Variants in PARP14 observed in about 807,000 individuals in gnomAD.
The protein encoded by PARP14 is poly(ADP-ribose) polymerase family member 14, also known as protein mono-ADP-ribosyltransferase PARP14.
PARP14 carries 59 observed loss-of-function variants against 154.2 expected under a neutral mutation model. That is an observed-to-expected ratio of 0.38 (90% CI 0.31 to 0.48). PARP14 has a LOEUF of 0.48. Among genes scored for constraint, PARP14 ranks in the 20% least tolerant of loss-of-function variants. The pLI is 0.98. For missense variants in PARP14, 1,734 were observed against 2,131.6 expected, an observed-to-expected ratio of 0.81 and a Z score of 3.67; for synonymous variants, 720 against 780.5, an observed-to-expected ratio of 0.92 and a Z score of 1.29.
At chr3:122,709,975 A>G (rs1188598786) in intron 9 of PARP14, among the ~76,000 whole-genome samples, 1 of 150,870 alleles carries the variant, frequency 6.6e-6, no homozygotes, top group African/African-American at 2.4e-5. Context: ...CCTTTGTCGG[A>G]TGCATAGTCT....
intron 16 of PARP14, 134 bp from the exon 17 acceptor site, chr3:122,728,174 G>C (rs1933337567): frequency 1.1e-6 from 1 of 950,894 alleles, no homozygotes; most frequent in Non-Finnish European, 1.6e-6. Context: ...TAGAAAAATT[G>C]ATGATTAAAA....
chr3:122,690,457 C>G (rs1241697144), intron 3 of PARP14, among the ~76,000 whole-genome samples: 1 of 152,118 alleles, frequency 6.6e-6, no homozygotes, highest in African/African-American at 2.4e-5. Flanking sequence ...ACAGAGTGGT[C>G]TAACTGTTGT....
intron 12 of PARP14, 71 bp downstream of exon 12, chr3:122,714,500 G>A: frequency 7.9e-7 from 1 of 1,267,702 alleles, no homozygotes; most frequent in Non-Finnish European, 1.1e-6. Flanking sequence ...AGCTGAGTGT[G>A]AATGCGGTCA....
intron 8 of PARP14, among the ~76,000 whole-genome samples, chr3:122,706,740 T>G (rs1285242634): frequency 1.3e-5 from 2 of 150,928 alleles, no homozygotes; most frequent in African/African-American, 4.9e-5. Flanking sequence ...ATGTTACTTG[T>G]TTTTTTTCCA....
chr3:122,728,542 T>C lies in PARP14; in HGVS notation c.5351T>C (p.Val1784Ala). 1.2e-6 allele frequency: 2 copies of C among 1,613,926 alleles called. No homozygotes were observed. Among genetic ancestry groups the C allele is most frequent in the Non-Finnish European group, 1.7e-6 (2 of 1,179,806 alleles). The change falls in exon 17 of 17, where the codon GTG (valine) becomes GCG (alanine). Residue 1784 changes from valine to alanine, a missense_variant. Around this residue, in one of 2 missense-constraint regions of PARP14, gnomAD observed 88 missense variants for 155.6 expected, o/e 0.57. Coordinates refer to ENST00000474629, the MANE Select transcript of PARP14 (RefSeq NM_017554.3). ...TDNVHHPSLF[V>A]AFYDYQAYPE... ...AATGTGCACCATCCAAGTTTATTTG[T>C]GGCATTTTATGACTACCAAGCATAC...
chr3:122,714,146 C>T (rs987399487), intron 11 of PARP14, 116 bp from the exon 12 acceptor site: 1 of 884,446 alleles, frequency 1.1e-6, no homozygotes, highest in Non-Finnish European at 1.7e-6. Context: ...GATAGTATTT[C>T]AGGAGTTTTT....
chr3:122,712,684 G>C (rs1300935915), intron 9 of PARP14, among the ~76,000 whole-genome samples: 1 of 152,038 alleles, frequency 6.6e-6, no homozygotes, highest in East Asian at 1.9e-4. Context: ...CTCCCAAGTA[G>C]CTGGGACTAC....
Position 122,714,418 on chromosome 3 carries a change from C to A in PARP14, c.3989C>A (p.Ala1330Asp). The A allele has an allele frequency of 6.3e-7, 1 of 1,576,106 alleles. No individual in the cohort carries two copies. The highest frequency in any genetic ancestry group is 1.2e-5 in the South Asian group (1 of 84,582). ...AATTACTCATCCATTTGCCTCCCAG[C>A]CATTGGGACAGGTTCGTAGCCTCTG... ...KKNYSSICLPAIGTGNAKQHP... is the reference protein window; with the variant it reads ...KKNYSSICLPDIGTGNAKQHP... Residue 1330 changes from alanine (A) to aspartate (D), a missense_variant, in exon 12 of 17, where the codon GCC becomes GAC. Transcript: ENST00000474629.
chr3:122,690,393 T>C (rs1938500731), intron 3 of PARP14, among the ~76,000 whole-genome samples: 1 of 149,772 alleles, frequency 6.7e-6, no homozygotes, highest in Non-Finnish European at 1.5e-5. Context: ...GCTTAAGCTA[T>C]TTTTTTTTTA....
At chr3:122,710,960 A>G (rs891253724) in intron 9 of PARP14, among the ~76,000 whole-genome samples, 12 of 152,120 alleles carry the variant, frequency 7.9e-5, no homozygotes, top group African/African-American at 2.9e-4. Context: ...CTTTACTGAA[A>G]TTGTTTATCA....
In PARP14 at chr3:122,681,051, GTTC is replaced by G. The variant is rs759585901; in HGVS notation, c.173_175del (p.Phe58del). On this transcript the variant is annotated inframe_deletion, in exon 1 of 17. Transcript: ENST00000474629. This position sits in a 1 kb window ranked among gnomAD's most constrained non-coding sequence, Gnocchi z 5.5. ...CCAGGAGCCCATCCCGCTTCCTGGTGTTCTTCTACCCGGAGGACGGTGAGGGGC... is the reference window on the plus strand; with the variant it reads ...CCAGGAGCCCATCCCGCTTCCTGGTGTTCTACCCGGAGGACGGTGAGGGGC... 6.3e-5 allele frequency: 102 copies of G among 1,612,242 alleles called. No individual in the cohort carries two copies. Among genetic ancestry groups the G allele is most frequent in the South Asian group, 9.9e-5 (9 of 91,056 alleles).
intron 15 of PARP14, among the ~76,000 whole-genome samples, chr3:122,725,564 AATT>A (rs1281796600): frequency 6.6e-6 from 1 of 152,136 alleles, no homozygotes; most frequent in Non-Finnish European, 1.5e-5. Flanking sequence ...ATCATACCAA[AATT>A]ATTATTAGCA....
chr3:122,708,379 C>A (rs985413831), intron 9 of PARP14, 111 bp downstream of exon 9: 2 of 637,980 alleles, frequency 3.1e-6, no homozygotes, highest in South Asian at 1.9e-5. Context: ...CAATGAGTGA[C>A]AAATGATACT....
intron 5 of PARP14, among the ~76,000 whole-genome samples, chr3:122,695,960 A>T (rs948831065): frequency 6.6e-6 from 1 of 152,216 alleles, no homozygotes; most frequent in African/African-American, 2.4e-5. Context: ...AAAGGAGATG[A>T]TCTGTGTTTT....
chr3:122,725,801 G>T (rs1933274847), intron 15 of PARP14, among the ~76,000 whole-genome samples: 2 of 152,038 alleles, frequency 1.3e-5, no homozygotes, highest in East Asian at 3.9e-4. Flanking sequence ...ATATGTTTGG[G>T]TTTAAATGTA....
At position 122,711,826 on chromosome 3, in the gene PARP14, C is replaced by T. The variant is rs188881476; in HGVS notation, c.3620-1598C>T. Reference sequence around the variant, plus strand: ...TTTAACCTAGGAGGGTTGTATGTTTCCAGGAATTTATCCATTTCCTCTAGA... The same window carrying T: ...TTTAACCTAGGAGGGTTGTATGTTTTCAGGAATTTATCCATTTCCTCTAGA... On this transcript the variant is annotated intron_variant, in intron 9 of 16. Transcript: ENST00000474629. 9.9e-5 allele frequency among the ~76,000 whole-genome samples: 15 copies of T among 152,200 alleles called. No individual in the cohort carries two copies. In the East Asian group the frequency reaches 2.9e-3, roughly 29 times the overall value.
In PARP14 at chr3:122,707,379, T is replaced by TTAAATAAA. The variant is rs1270436063; in HGVS notation, c.3541-811_3541-810insTAAATAAA. 3.2e-4 allele frequency among the ~76,000 whole-genome samples: 12 copies of TTAAATAAA among 37,702 alleles called. No individual in the cohort carries two copies. In the South Asian group the frequency reaches 0.011, roughly 35 times the overall value. 24.7% of individuals were successfully genotyped at this position (37,702 alleles called of 152,430 possible). A position where few individuals can be genotyped will look rare whatever the true frequency, so the allele number is the denominator to read the frequency against. ...CTGGGTGACAGAATGAGACTCCATC[T>TTAAATAAA]CAAATAAATAAATAAATAAATAAAT... On this transcript the variant is annotated intron_variant, in intron 8 of 16. Coordinates refer to ENST00000474629, the MANE Select transcript of PARP14 (RefSeq NM_017554.3).
At chr3:122,697,631 T>C (rs1299767396) in intron 5 of PARP14, among the ~76,000 whole-genome samples, 2 of 152,258 alleles carry the variant, frequency 1.3e-5, no homozygotes, top group Non-Finnish European at 2.9e-5. Context: ...TTGTGTTTTA[T>C]GTAGATTTCT....
intron 6 of PARP14, among the ~76,000 whole-genome samples, chr3:122,703,365 A>G (rs1188106719): frequency 2.0e-5 from 3 of 152,030 alleles, no homozygotes; most frequent in African/African-American, 7.2e-5. Flanking sequence ...AGATCAAATT[A>G]ATCTGTTCAC....
Sources: allele counts gnomAD v4.1 joint callset (sites outside exome capture counted in the v4.1 genomes callset), GRCh38; gene constraint gnomAD v4.1.1; regional missense constraint gnomAD v4.1.1; non-coding constraint Gnocchi (gnomAD v3.1); transcripts MANE v1.5; gene names NCBI Gene and HGNC (gene_info 2026-07-23, HGNC 2026-07-21).